The following TNFRSF10D variants were observed in gnomAD, a reference collection of about 807,000 sequenced individuals.
TNFRSF10D encodes the protein TNF receptor superfamily member 10d.
TNFRSF10D carries 28 observed loss-of-function variants against 42.1 expected under a neutral mutation model. The observed-to-expected ratio is 0.66, with a 90% CI of 0.49 to 0.91. The LOEUF is 0.91. TNFRSF10D is among the 40% of genes least tolerant of loss of function. TNFRSF10D has a pLI of 0.00. For missense variants in TNFRSF10D, 503 were observed against 486.1 expected (o/e 1.03, Z -0.33); for synonymous variants, 186 against 189.4 (o/e 0.98, Z 0.15).
intron 7 of TNFRSF10D, among the ~76,000 whole-genome samples, chr8:23,142,606 G>A (rs1463784458): frequency 6.6e-6 from 1 of 152,102 alleles, no homozygotes; most frequent in Non-Finnish European, 1.5e-5. Flanking sequence ...GGGCGGGGAG[G>A]GAGCGAGAGG....
intron 6 of TNFRSF10D, 36 bp from the exon 7 acceptor site, chr8:23,144,671 C>G: frequency 6.3e-7 from 1 of 1,595,542 alleles, no homozygotes. Context: ...AGTCCACACC[C>G]CGGGCTCAGC....
intron 6 of TNFRSF10D, 22 bp from the exon 7 acceptor site, chr8:23,144,657 C>T (rs1212566005): frequency 3.7e-6 from 6 of 1,606,488 alleles, no homozygotes; most frequent in Non-Finnish European, 5.1e-6. Context: ...AAAGAGCCCA[C>T]TCAAGTCCAC....
intron 3 of TNFRSF10D, among the ~76,000 whole-genome samples, chr8:23,147,457 G>T (rs1585260609): frequency 6.6e-6 from 1 of 152,208 alleles, no homozygotes; most frequent in African/African-American, 2.4e-5. Context: ...GTGAGGCCAA[G>T]CACCTTTCAG....
At chr8:23,158,227 T>C (rs1465992333) in intron 1 of TNFRSF10D, among the ~76,000 whole-genome samples, 1 of 152,240 alleles carries the variant, frequency 6.6e-6, no homozygotes, top group African/African-American at 2.4e-5. Context: ...TTCTGCCTTA[T>C]GCCCCTCAGT....
chr8:23,155,701 A>C (rs1800268012), intron 1 of TNFRSF10D, among the ~76,000 whole-genome samples: 1 of 150,512 alleles, frequency 6.6e-6, no homozygotes, highest in African/African-American at 2.4e-5. Context: ...CTCTGTCTCA[A>C]AAAAAAAAAC....
chr8:23,148,990 A>G (rs140444453), intron 2 of TNFRSF10D, among the ~76,000 whole-genome samples: 11,792 of 151,538 alleles, frequency 0.078, 580 homozygotes, highest in African/African-American at 0.15. Flanking sequence ...GGAGATCGAG[A>G]CCATCCTGGC....
At chr8:23,147,186 A>G (rs1332612619) in intron 3 of TNFRSF10D, 114 bp from the exon 4 acceptor site, 2 of 854,406 alleles carry the variant, frequency 2.3e-6, no homozygotes, top group Non-Finnish European at 1.9e-6. Flanking sequence ...AGGAGTTCTG[A>G]GGGCTGGTTT....
chr8:23,161,015 C>A (rs78918796), intron 1 of TNFRSF10D, among the ~76,000 whole-genome samples: 4,367 of 152,318 alleles, frequency 0.029, 110 homozygotes, highest in Non-Finnish European at 0.043. Context: ...GGCCAGGGAG[C>A]CTGGTATGGA....
At chr8:23,150,608 C>A (rs149814951) in intron 2 of TNFRSF10D, among the ~76,000 whole-genome samples, 930 of 152,234 alleles carry the variant, frequency 6.1e-3, no homozygotes, top group African/African-American at 0.019. Flanking sequence ...AGTCATCTTA[C>A]AGAAGCTCAG....
chr8:23,140,117 A>AG (rs1563354208), intron 7 of TNFRSF10D, among the ~76,000 whole-genome samples: 6 of 151,874 alleles, frequency 4.0e-5, no homozygotes, highest in East Asian at 1.9e-4. Flanking sequence ...GTGAAACCCC[A>AG]CCTCTACTAA....
intron 2 of TNFRSF10D, among the ~76,000 whole-genome samples, chr8:23,151,675 G>A (rs1279330116): frequency 6.6e-6 from 1 of 152,138 alleles, no homozygotes; most frequent in Non-Finnish European, 1.5e-5. Context: ...AAGAAAAGGT[G>A]TCAAGTTTTT....
intron 1 of TNFRSF10D, among the ~76,000 whole-genome samples, chr8:23,162,353 G>A (rs1800378906): frequency 6.6e-6 from 1 of 152,212 alleles, no homozygotes. Flanking sequence ...TCTTCTAGCT[G>A]CCTCAGGTAG....
chr8:23,141,997 C>T (rs548313438), intron 7 of TNFRSF10D, among the ~76,000 whole-genome samples: 188 of 151,000 alleles, frequency 1.2e-3, no homozygotes, highest in African/African-American at 4.0e-3. Context: ...ATCTGCTGGG[C>T]GCGGTGGCTC....
At chr8:23,138,046 C>G in intron 8 of TNFRSF10D, 43 bp from the exon 9 acceptor site, 1 of 1,611,628 alleles carries the variant, frequency 6.2e-7, no homozygotes, top group Non-Finnish European at 8.5e-7. Context: ...GCTCCAAGGA[C>G]GATCAGCACA....
In TNFRSF10D at chr8:23,144,437, C is replaced by T; in HGVS notation, c.954+13G>A. Reference sequence around the variant, plus strand: ...CTGCACGCCAGGCAGGGCACAGTCCCTCCTCAACTCACCAGCAGACGCTGT... The same window carrying T: ...CTGCACGCCAGGCAGGGCACAGTCCTTCCTCAACTCACCAGCAGACGCTGT... On this transcript the variant is annotated intron_variant, in intron 7 of 8. Coordinates refer to ENST00000312584, the MANE Select transcript of TNFRSF10D (RefSeq NM_003840.5). The T allele has an allele frequency of 6.2e-7, 1 of 1,612,506 alleles. No homozygotes were observed. The highest frequency in any genetic ancestry group is 8.5e-7 in the Non-Finnish European group (1 of 1,179,108).
In TNFRSF10D at chr8:23,146,943, C is replaced by T; in HGVS notation, c.482+18G>A. On this transcript the variant is annotated intron_variant, in intron 4 of 8. Coordinates refer to ENST00000312584, the MANE Select transcript of TNFRSF10D (RefSeq NM_003840.5). ...CAGGTTCCTGAAAGCTGTTGGGAGCCCCTGGCTGCTGTCTTACCCTGTTCT... is the reference window on the plus strand; with the variant it reads ...CAGGTTCCTGAAAGCTGTTGGGAGCTCCTGGCTGCTGTCTTACCCTGTTCT... 2 of 1,602,962 alleles carry T rather than the reference C, an allele frequency of 1.2e-6. No homozygotes were observed. The highest frequency in any genetic ancestry group is 1.7e-5 in the Admixed American group (1 of 59,970).
chr8:23,144,482 C>T lies in TNFRSF10D; in HGVS notation c.922G>A (p.Val308Ile), dbSNP rs761356073. Reference protein sequence around the residue: ...QELAELTGVTVELPEEPQRLL... With the variant: ...QELAELTGVTIELPEEPQRLL... ...CGCTGTGGCTCCTCTGGCAACTCTA[C>T]AGTCACACCTGTTAGCTCTGCCAGC... Residue 308 changes from valine (V) to isoleucine (I), a missense_variant, in exon 7 of 9, where the codon GTA (valine) becomes ATA (isoleucine). By Grantham distance (29) the Val-to-Ile change is conservative. Coordinates refer to ENST00000312584, the MANE Select transcript of TNFRSF10D (RefSeq NM_003840.5). 3 of 1,614,084 alleles carry T rather than the reference C, an allele frequency of 1.9e-6. No homozygotes were observed. The highest frequency in any genetic ancestry group is 1.6e-4 in the Middle Eastern group (1 of 6,084).
Position 23,163,778 on chromosome 8 carries a change from A to G in TNFRSF10D, c.150+8T>C. 2 of 1,607,946 alleles carry G rather than the reference A, an allele frequency of 1.2e-6. No homozygotes were observed. The highest frequency in any genetic ancestry group is 1.7e-6 in the Non-Finnish European group (2 of 1,178,064). On this transcript the variant is annotated splice_region_variant and intron_variant, in intron 1 of 8. Coordinates refer to ENST00000312584, the MANE Select transcript of TNFRSF10D (RefSeq NM_003840.5). ...CTTCCCCAGCCAGGGACCGCGGCGG[A>G]GACTCACCGGCAGCAGAACCGCGAC...
chr8:23,149,464 C>A (rs972665204), intron 2 of TNFRSF10D, among the ~76,000 whole-genome samples: 1 of 151,868 alleles, frequency 6.6e-6, no homozygotes, highest in African/African-American at 2.4e-5. Flanking sequence ...GTCTCCAACT[C>A]CTGACCTCAG....
Sources: allele counts gnomAD v4.1 joint callset (sites outside exome capture counted in the v4.1 genomes callset), GRCh38; gene constraint gnomAD v4.1.1; transcripts MANE v1.5; gene names NCBI Gene and HGNC (gene_info 2026-07-23, HGNC 2026-07-21).